Variants in AGO3 observed in about 807,000 individuals in gnomAD.
AGO3 encodes protein argonaute-3.
A neutral mutation model predicts 105.5 loss-of-function variants in AGO3; 16 were observed. That is an observed-to-expected ratio of 0.15 (90% CI 0.10 to 0.23). AGO3 has a LOEUF of 0.23. Ranked by LOEUF, AGO3 falls within the 10% of genes least tolerant of loss-of-function variation. The pLI is 1.00. For missense variants in AGO3, 534 were observed against 1,088.0 expected (o/e 0.49, Z 7.16); for synonymous variants, 340 against 367.3 (o/e 0.93, Z 0.85).
At chr1:36,005,987 T>C in intron 6 of AGO3, 2 of 791,272 alleles carry the variant, frequency 2.5e-6, no homozygotes, top group Non-Finnish European at 3.1e-6. Flanking sequence ...AACTTTTTGC[T>C]AGCACCTAGA....
chr1:35,937,167 C>T (rs575785343), intron 1 of AGO3, among the ~76,000 whole-genome samples: 6 of 152,104 alleles, frequency 3.9e-5, no homozygotes, highest in Non-Finnish European at 7.4e-5. Context: ...TTTGGGAGGC[C>T]GAGGCAGGTG....
chr1:35,974,836 G>A (rs1303310603), intron 5 of AGO3, among the ~76,000 whole-genome samples: 2 of 152,084 alleles, frequency 1.3e-5, no homozygotes, highest in Non-Finnish European at 2.9e-5. Flanking sequence ...ATGTTTGAAA[G>A]CTTTCTTGCT....
chr1:35,973,579 T>G lies in AGO3; in HGVS notation c.658+68T>G. 3 of 1,330,446 alleles carry G rather than the reference T, an allele frequency of 2.3e-6. 1 individual carries two copies. The South Asian group carries it at 7.5e-5, about 33-fold the overall frequency. 82.4% of individuals were successfully genotyped at this position (1,330,446 alleles called of 1,614,324 possible). ...CTGTATGATGTGTGTACATAAATTT[T>G]ATATATAATTATACATACTGGTGTC... On this transcript the variant is annotated intron_variant, in intron 5 of 18. Coordinates refer to ENST00000373191, the MANE Select transcript of AGO3 (RefSeq NM_024852.4).
intron 1 of AGO3, among the ~76,000 whole-genome samples, chr1:35,935,642 A>G (rs1646134498): frequency 6.6e-6 from 1 of 152,242 alleles, no homozygotes; most frequent in African/African-American, 2.4e-5. Context: ...CATTTCCTGG[A>G]AGAATTCTCT....
rs970303870 is a variant in AGO3, at chr1:36,057,333, ATT to A, written c.*1593_*1594del. The A allele has an allele frequency of 3.3e-5, 5 of 151,460 alleles. No individual in the cohort carries two copies. Among genetic ancestry groups the A allele is most frequent in the African/African-American group, 1.2e-4 (5 of 41,076 alleles). 9.4% of individuals were successfully genotyped at this position (151,460 alleles called of 1,614,324 possible). A position where few individuals can be genotyped will look rare whatever the true frequency, so the allele number is the denominator to read the frequency against. Reference sequence around the variant, plus strand: ...TCATACCTTAATGTGATTTTCATATATTTTTTATATATATATATGTATGTGTG... The same window carrying A: ...TCATACCTTAATGTGATTTTCATATATTTTATATATATATATGTATGTGTG... On this transcript the variant is annotated 3_prime_UTR_variant, in exon 19 of 19. Coordinates refer to ENST00000373191, the MANE Select transcript of AGO3 (RefSeq NM_024852.4).
chr1:35,979,297 G>C (rs991085056), intron 5 of AGO3, among the ~76,000 whole-genome samples: 11 of 152,046 alleles, frequency 7.2e-5, no homozygotes, highest in Admixed American at 1.3e-4. Context: ...CCAGGAGGCG[G>C]AGCTTGCAGT....
At chr1:36,040,478 A>T in intron 16 of AGO3, 37 bp downstream of exon 16, 1 of 1,609,244 alleles carries the variant, frequency 6.2e-7, no homozygotes, top group South Asian at 1.1e-5. Flanking sequence ...TTATAAACCA[A>T]GCTTATCCAA....
At chr1:35,973,305 C>A (rs920188340) in intron 4 of AGO3, 70 bp from the exon 5 acceptor site, 1 of 1,321,962 alleles carries the variant, frequency 7.6e-7, no homozygotes, top group Non-Finnish European at 9.9e-7. Flanking sequence ...GCTCTAGTCT[C>A]CCCTTTTCTG....
At chr1:36,013,034 T>C (rs1292445219) in intron 9 of AGO3, among the ~76,000 whole-genome samples, 1 of 151,878 alleles carries the variant, frequency 6.6e-6, no homozygotes, top group Non-Finnish European at 1.5e-5. Context: ...GCTCCCAGGC[T>C]CAAGCGATTC....
intron 5 of AGO3, among the ~76,000 whole-genome samples, chr1:35,974,322 C>G (rs1232192483): frequency 6.6e-6 from 1 of 152,010 alleles, no homozygotes; most frequent in Non-Finnish European, 1.5e-5. Flanking sequence ...ATTATTGTGC[C>G]TTTTGCCATC....
intron 2 of AGO3, among the ~76,000 whole-genome samples, chr1:35,953,288 G>A (rs1265375066): frequency 6.6e-6 from 1 of 151,966 alleles, no homozygotes; most frequent in Non-Finnish European, 1.5e-5. Flanking sequence ...AAAAAAGAAG[G>A]CAGTGTCTGC....
At chr1:36,049,203 G>A (rs1642598147) in intron 17 of AGO3, among the ~76,000 whole-genome samples, 1 of 152,128 alleles carries the variant, frequency 6.6e-6, no homozygotes, top group Admixed American at 6.6e-5. Context: ...TACTAGAGAG[G>A]AGGGCAGGGG....
rs1397223440 is a variant in AGO3, at chr1:36,059,509, T to C, written c.*3764T>C. ...TGCTAGATTTTGGTCTTCTTTTTTC[T>C]GTGATGTATCTTACGAGACTGACTG... On this transcript the variant is annotated 3_prime_UTR_variant, in exon 19 of 19. Transcript: ENST00000373191. The C allele has an allele frequency of 1.3e-5, 2 of 151,278 alleles. No homozygotes were observed. Among genetic ancestry groups the C allele is most frequent in the Non-Finnish European group, 2.9e-5 (2 of 67,892 alleles). 9.4% of individuals were successfully genotyped at this position (151,278 alleles called of 1,614,324 possible). A position where few individuals can be genotyped will look rare whatever the true frequency, so the allele number is the denominator to read the frequency against.
chr1:36,013,504 C>A (rs1640724536), intron 9 of AGO3, 126 bp from the exon 10 acceptor site: 2 of 1,243,696 alleles, frequency 1.6e-6, no homozygotes, highest in Middle Eastern at 2.7e-4. Context: ...AGTTAGAGCA[C>A]CATTGATTAG....
intron 5 of AGO3, among the ~76,000 whole-genome samples, chr1:35,994,788 A>C (rs1307929377): frequency 6.6e-6 from 1 of 152,208 alleles, no homozygotes; most frequent in Non-Finnish European, 1.5e-5. Context: ...TTAGGAATAA[A>C]TATAAAGATG....
At chr1:36,020,162 G>A (rs1018873922) in intron 11 of AGO3, among the ~76,000 whole-genome samples, 4 of 152,108 alleles carry the variant, frequency 2.6e-5, no homozygotes, top group Admixed American at 6.6e-5. Flanking sequence ...GCAGGCAGCC[G>A]GCTGTCCAGT....
rs1643156159 is a variant in AGO3, at chr1:36,071,011, T to C, written c.*15266T>C. 6.6e-6 allele frequency: 1 copy of C among 152,198 alleles called. No individual in the cohort carries two copies. Among genetic ancestry groups the C allele is most frequent in the Admixed American group, 6.5e-5 (1 of 15,284 alleles). The allele number at this position is 152,198 out of a possible 1,614,324, so 9.4% of individuals were successfully genotyped here. Reference sequence around the variant, plus strand: ...TATTTTATGTTTATAACTCTGCGTATTAAGTTTATATAGAAAAAAATAATG... The same window carrying C: ...TATTTTATGTTTATAACTCTGCGTACTAAGTTTATATAGAAAAAAATAATG... On this transcript the variant is annotated 3_prime_UTR_variant, in exon 19 of 19. Transcript: ENST00000373191.
intron 14 of AGO3, 48 bp from the exon 15 acceptor site, chr1:36,039,742 C>CATTT (rs1250920869): frequency 3.5e-6 from 4 of 1,146,304 alleles, no homozygotes; most frequent in Non-Finnish European, 4.5e-6. Flanking sequence ...TTTTGATTAT[C>CATTT]ATTTATTTTT....
At chr1:35,966,645 G>A (rs772306171) in intron 2 of AGO3, among the ~76,000 whole-genome samples, 22 of 152,316 alleles carry the variant, frequency 1.4e-4, no homozygotes, top group Non-Finnish European at 2.8e-4. Context: ...ATATGTTAGG[G>A]AGTGCTTAGA....
Sources: allele counts gnomAD v4.1 joint callset (sites outside exome capture counted in the v4.1 genomes callset), GRCh38; gene constraint gnomAD v4.1.1; transcripts MANE v1.5; gene names NCBI Gene and HGNC (gene_info 2026-07-23, HGNC 2026-07-21).